Variants in TMEM117 observed in about 807,000 individuals in gnomAD.
The protein encoded by TMEM117 is transmembrane protein 117.
Under a neutral mutation model 52.4 loss-of-function variants are expected in TMEM117, and 27 were observed. That is an observed-to-expected ratio of 0.51 (90% confidence interval 0.38 to 0.71). The LOEUF (loss-of-function observed/expected upper bound fraction) is 0.71. Ranked by LOEUF, TMEM117 falls within the 30% of genes least tolerant of loss-of-function variation. The probability of loss-of-function intolerance (pLI) is 0.00; values close to 1 mark genes in which losing one functional copy is unlikely to be tolerated. For synonymous variants in TMEM117, 215 were observed against 206.3 expected (o/e 1.04, Z -0.36); for missense variants, 556 against 630.5 (o/e 0.88, Z 1.26).
At chr12:43,957,081 C>G (rs1408388879) in intron 3 of TMEM117, among the ~76,000 whole-genome samples, 1 of 152,068 alleles carries the variant, frequency 6.6e-6, no homozygotes, top group Non-Finnish European at 1.5e-5. Flanking sequence ...CATATTCTCA[C>G]TTATAAGTGG....
At chr12:43,913,848 A>C (rs1454207042) in intron 2 of TMEM117, among the ~76,000 whole-genome samples, 1 of 152,140 alleles carries the variant, frequency 6.6e-6, no homozygotes, top group East Asian at 1.9e-4. Context: ...TTTATTTTTA[A>C]ATTTATGTTT....
At chr12:44,213,703 A>G (rs1482177066) in intron 5 of TMEM117, among the ~76,000 whole-genome samples, 1 of 152,150 alleles carries the variant, frequency 6.6e-6, no homozygotes, top group African/African-American at 2.4e-5. Context: ...TGGTTTTATA[A>G]GGGGCTTTTC....
chr12:44,356,656 C>T (rs1951653160), intron 6 of TMEM117, among the ~76,000 whole-genome samples: 4 of 152,064 alleles, frequency 2.6e-5, no homozygotes, highest in African/African-American at 7.2e-5. Flanking sequence ...ATGTCACCAT[C>T]CCTTTAGTCT....
At chr12:44,236,543 A>G (rs981031805) in intron 5 of TMEM117, among the ~76,000 whole-genome samples, 1 of 152,070 alleles carries the variant, frequency 6.6e-6, no homozygotes, top group Non-Finnish European at 1.5e-5. Flanking sequence ...TCTTTCTTAG[A>G]ATATAATAAG....
At chr12:43,891,208 A>T (rs1944096345) in intron 2 of TMEM117, among the ~76,000 whole-genome samples, 1 of 151,990 alleles carries the variant, frequency 6.6e-6, no homozygotes, top group African/African-American at 2.4e-5. Context: ...TGTTGAGTGC[A>T]TACCATGTGT....
chr12:43,820,976 T>C, the TMEM117 span, among the ~76,000 whole-genome samples: 3 of 151,478 alleles, frequency 2.0e-5, no homozygotes, highest in Non-Finnish European at 4.4e-5. Context: ...ACGCCTCCAG[T>C]CCCAGCTACT....
At chr12:43,913,214 C>A (rs114509402) in intron 2 of TMEM117, among the ~76,000 whole-genome samples, 2,090 of 152,192 alleles carry the variant, frequency 0.014, 36 homozygotes, top group African/African-American at 0.048. Context: ...TCCTTGGACT[C>A]CAGGTAGGAA....
At chr12:44,297,085 A>T (rs1222489705) in intron 5 of TMEM117, among the ~76,000 whole-genome samples, 1 of 152,166 alleles carries the variant, frequency 6.6e-6, no homozygotes, top group Admixed American at 6.5e-5. Flanking sequence ...TGAGTAGAGG[A>T]TCTCCTATTC....
At chr12:44,218,146 C>G (rs1170725826) in intron 5 of TMEM117, among the ~76,000 whole-genome samples, 1 of 152,020 alleles carries the variant, frequency 6.6e-6, no homozygotes, top group Non-Finnish European at 1.5e-5. Context: ...ATTGCTTGAA[C>G]CTGGGAGGCA....
At chr12:44,174,774 G>A (rs1299451017) in intron 4 of TMEM117, among the ~76,000 whole-genome samples, 6 of 152,068 alleles carry the variant, frequency 3.9e-5, no homozygotes, top group Non-Finnish European at 5.9e-5. Context: ...TGAACATTTC[G>A]TACAGAGTTT....
chr12:43,907,164 G>A (rs1161658231), intron 2 of TMEM117, among the ~76,000 whole-genome samples: 2 of 152,204 alleles, frequency 1.3e-5, no homozygotes, highest in African/African-American at 4.8e-5. Context: ...CGGGCAGACT[G>A]CCCCCTCAAG....
At chr12:43,882,749 G>A (rs1016181590) in intron 2 of TMEM117, among the ~76,000 whole-genome samples, 2 of 152,262 alleles carry the variant, frequency 1.3e-5, no homozygotes, top group African/African-American at 4.8e-5. Flanking sequence ...TCTTCCTTGG[G>A]CAAGGGCACC....
chr12:44,053,888 G>C (rs908394945), intron 3 of TMEM117, among the ~76,000 whole-genome samples: 2 of 152,158 alleles, frequency 1.3e-5, no homozygotes, highest in African/African-American at 4.8e-5. Context: ...TCTTATTATA[G>C]AATGAAAATG....
At chr12:44,368,386 G>A (rs1387871217) in intron 6 of TMEM117, among the ~76,000 whole-genome samples, 1 of 152,020 alleles carries the variant, frequency 6.6e-6, no homozygotes, top group Non-Finnish European at 1.5e-5. Context: ...AAACCATTGT[G>A]AAGAACTCTG....
At chr12:44,351,644 A>G (rs1435950142) in intron 6 of TMEM117, among the ~76,000 whole-genome samples, 1 of 151,810 alleles carries the variant, frequency 6.6e-6, no homozygotes, top group Admixed American at 6.6e-5. Context: ...TTCTTGGCAC[A>G]TACTCTTTTA....
intron 5 of TMEM117, among the ~76,000 whole-genome samples, chr12:44,234,632 T>G (rs184875196): frequency 6.6e-6 from 1 of 151,454 alleles, no homozygotes; most frequent in Admixed American, 6.6e-5. Context: ...TTCCTACATT[T>G]TTTTTGCTGT....
chr12:43,819,368 C>G, the TMEM117 span, among the ~76,000 whole-genome samples: 1 of 152,184 alleles, frequency 6.6e-6, no homozygotes, highest in South Asian at 2.1e-4. Context: ...GCTGAACTTT[C>G]CTATCTTGTT....
At chr12:44,021,866 C>T (rs1565795481) in intron 3 of TMEM117, among the ~76,000 whole-genome samples, 1 of 152,208 alleles carries the variant, frequency 6.6e-6, no homozygotes, top group Non-Finnish European at 1.5e-5. Flanking sequence ...GGAACTTCCT[C>T]TCTCATGCAA....
intron 6 of TMEM117, among the ~76,000 whole-genome samples, chr12:44,332,572 G>C (rs1379041284): frequency 6.6e-6 from 1 of 152,016 alleles, no homozygotes; most frequent in Admixed American, 6.6e-5. Context: ...CACTGTGAGA[G>C]TTCTATCAAT....
Sources: gnomAD v4.1 joint callset for allele counts (sites outside exome capture counted in the v4.1 genomes callset) on GRCh38, gnomAD v4.1.1 for gene constraint, MANE v1.5 for transcripts, NCBI Gene and HGNC (gene_info 2026-07-23, HGNC 2026-07-21) for gene names.